ITGB5: variants seen among roughly 807,000 people sequenced by gnomAD.
The protein encoded by ITGB5 is integrin subunit beta 5.
In ITGB5, 38 loss-of-function variants were observed where a neutral mutation model predicts 84.8. The ratio of observed to expected loss-of-function variants is 0.45; its 90% CI spans 0.35 to 0.59. The LOEUF (loss-of-function observed/expected upper bound fraction) is 0.59. ITGB5 is among the 20% of genes least tolerant of loss of function. The pLI, the probability that ITGB5 is intolerant of heterozygous loss-of-function variation, is 0.01. For missense variants in ITGB5, 905 were observed against 1,034.5 expected, an observed-to-expected ratio of 0.87 and a Z score of 1.72; for synonymous variants, 393 against 414.4, an observed-to-expected ratio of 0.95 and a Z score of 0.63.
chr3:124,836,639 T>G (rs2064939073), intron 5 of ITGB5, among the ~76,000 whole-genome samples: 1 of 152,114 alleles, frequency 6.6e-6, no homozygotes, highest in Non-Finnish European at 1.5e-5. Context: ...CCTGTGATAC[T>G]CAGTTTCCAC....
At chr3:124,802,034 C>T (rs990184909) in intron 9 of ITGB5, among the ~76,000 whole-genome samples, 2 of 152,248 alleles carry the variant, frequency 1.3e-5, no homozygotes, top group African/African-American at 2.4e-5. Flanking sequence ...AGCCTCAGCT[C>T]CAACAGCTCC....
At chr3:124,794,217 G>A in intron 10 of ITGB5, among the ~76,000 whole-genome samples, 1 of 152,282 alleles carries the variant, frequency 6.6e-6, no homozygotes, top group East Asian at 1.9e-4. Flanking sequence ...CTTTACAGGT[G>A]GCATGGTGTT....
At chr3:124,843,583 T>C (rs575493175) in intron 4 of ITGB5, among the ~76,000 whole-genome samples, 60 of 152,292 alleles carry the variant, frequency 3.9e-4, no homozygotes, top group Middle Eastern at 3.4e-3. Context: ...GAAGCCTTCA[T>C]TGTAGAGAAT....
intron 11 of ITGB5, 158 bp from the exon 12 acceptor site, chr3:124,769,271 T>G (rs967083584): frequency 4.9e-6 from 3 of 608,510 alleles, no homozygotes; most frequent in Non-Finnish European, 5.7e-6. Context: ...CCTTTCTTCT[T>G]GTTATGGGAG....
Position 124,809,002 on chromosome 3 carries a change from A to G in ITGB5, c.1263+20T>C, listed in dbSNP as rs1419411155. 8.7e-6 allele frequency: 14 copies of G among 1,610,990 alleles called. No homozygotes were observed. Among genetic ancestry groups the G allele is most frequent in the Non-Finnish European group, 1.2e-5 (14 of 1,178,600 alleles). On this transcript the variant is annotated intron_variant, in intron 9 of 14. Coordinates refer to ENST00000296181, the MANE Select transcript of ITGB5 (RefSeq NM_002213.5). ...GACCAATGCTAACAAGAGTTCATAC[A>G]AACTTGGGGTGAGACTTACCGTGTC... is the stretch of plus-strand genomic sequence containing the variant.
intron 1 of ITGB5, among the ~76,000 whole-genome samples, chr3:124,874,306 G>GA (rs59287818): frequency 0.024 from 2,668 of 113,308 alleles, 107 homozygotes; most frequent in African/African-American, 0.086. Context: ...TCAAAAGCCG[G>GA]AAAAAAAAAA....
At chr3:124,797,093 G>A (rs1462761831) in intron 9 of ITGB5, among the ~76,000 whole-genome samples, 1 of 151,908 alleles carries the variant, frequency 6.6e-6, no homozygotes, top group Non-Finnish European at 1.5e-5. Flanking sequence ...GAGGAAATGG[G>A]CCCCTGCGGA....
chr3:124,887,861 C>T (rs1268902850), upstream of ITGB5: 1 of 274,328 alleles, frequency 3.6e-6, no homozygotes, highest in African/African-American at 2.3e-5. Context: ...TCTGGATGAG[C>T]AAGGGAGGGC....
chr3:124,822,737 T>A (rs1410083841), intron 5 of ITGB5, among the ~76,000 whole-genome samples: 1 of 152,146 alleles, frequency 6.6e-6, no homozygotes, highest in Non-Finnish European at 1.5e-5. Context: ...CAATCACTGA[T>A]CTCTTACTGC....
chr3:124,822,897 G>C (rs546000189), intron 5 of ITGB5, among the ~76,000 whole-genome samples: 1 of 152,306 alleles, frequency 6.6e-6, no homozygotes, highest in East Asian at 1.9e-4. Context: ...CCAGGGAGAG[G>C]AGGAGGAGGG....
At chr3:124,865,575 T>A (rs1251590586) in intron 2 of ITGB5, among the ~76,000 whole-genome samples, 1 of 141,794 alleles carries the variant, frequency 7.1e-6, no homozygotes, top group African/African-American at 2.7e-5. Context: ...CAGCTTCAAC[T>A]TCCTAGGCTC....
At chr3:124,889,217 T>C (rs1934940354), upstream of ITGB5, among the ~76,000 whole-genome samples, 1 of 152,198 alleles carries the variant, frequency 6.6e-6, no homozygotes, top group Non-Finnish European at 1.5e-5. Context: ...GAATACCTGA[T>C]TGCTCCCTCT....
Position 124,771,707 on chromosome 3 carries a change from C to T in ITGB5, c.1916+1983G>A, listed in dbSNP as rs149319049. ...AGGCTGCAGTGAGCTGTGATGGTGC[C>T]ATTGCACTCCAGCCTGGGTGGCGGG... is the stretch of plus-strand genomic sequence containing the variant. On this transcript the variant is annotated intron_variant, in intron 11 of 14. Coordinates refer to ENST00000296181, the MANE Select transcript of ITGB5 (RefSeq NM_002213.5). 6.6e-3 allele frequency among the ~76,000 whole-genome samples: 942 copies of T among 141,814 alleles called. 2 individuals carry two copies. Among genetic ancestry groups the T allele is most frequent in the Non-Finnish European group, 0.01 (668 of 66,716 alleles). The allele number at this position is 141,814 out of a possible 152,430, so 93.0% of individuals were successfully genotyped here.
intron 9 of ITGB5, among the ~76,000 whole-genome samples, chr3:124,797,251 C>T (rs1282524309): frequency 6.6e-6 from 1 of 152,240 alleles, no homozygotes; most frequent in Non-Finnish European, 1.5e-5. Flanking sequence ...TGGGCGCTGC[C>T]TCTGTGCCAG....
intron 2 of ITGB5, among the ~76,000 whole-genome samples, chr3:124,871,854 TAATAAATA>T (rs140275514): frequency 7.4e-5 from 11 of 149,470 alleles, no homozygotes; most frequent in Non-Finnish European, 1.2e-4. Flanking sequence ...TAAAAATAAA[TAATAAATA>T]AATAAATAAA....
intron 3 of ITGB5, among the ~76,000 whole-genome samples, chr3:124,854,975 A>T (rs1204466733): frequency 6.6e-6 from 1 of 152,152 alleles, no homozygotes; most frequent in Non-Finnish European, 1.5e-5. Context: ...ATTATGAGGC[A>T]TGGGGGGTAG....
intron 3 of ITGB5, among the ~76,000 whole-genome samples, chr3:124,850,555 AG>A (rs1267498347): frequency 1.4e-5 from 1 of 73,594 alleles, no homozygotes; most frequent in African/African-American, 5.6e-5. Context: ...GGGTGGGGGG[AG>A]GGGGGAGGGA....
chr3:124,763,820 G>A (rs1036262139), intron 14 of ITGB5, 102 bp from the exon 15 acceptor site: 10 of 670,530 alleles, frequency 1.5e-5, no homozygotes, highest in Non-Finnish European at 2.2e-5. Flanking sequence ...AGCCCCCTGC[G>A]ACAGCAGCAG....
intron 7 of ITGB5, among the ~76,000 whole-genome samples, chr3:124,818,617 G>A (rs753555489): frequency 7.1e-6 from 1 of 141,504 alleles, no homozygotes; most frequent in African/African-American, 2.6e-5. Flanking sequence ...GGGTTCAAGA[G>A]ATTCTCCTGC....
Sources: allele counts gnomAD v4.1 joint callset (sites outside exome capture counted in the v4.1 genomes callset), GRCh38; gene constraint gnomAD v4.1.1; transcripts MANE v1.5; gene names NCBI Gene and HGNC (gene_info 2026-07-23, HGNC 2026-07-21).